GLIS3: variants seen among roughly 807,000 people sequenced by gnomAD.
The protein encoded by GLIS3 is zinc finger protein GLIS3.
A neutral mutation model predicts 78.6 loss-of-function variants in GLIS3; 53 were observed. The ratio of observed to expected loss-of-function variants is 0.67; its 90% CI spans 0.54 to 0.85. The LOEUF (loss-of-function observed/expected upper bound fraction) is 0.85. GLIS3 is among the 40% of genes least tolerant of loss of function. The pLI is 0.00. For synonymous variants in GLIS3, 684 were observed against 509.9 expected (o/e 1.34, Z -4.60); for missense variants, 1,703 against 1,231.1 (o/e 1.38, Z -5.74).
At chr9:4,032,255 G>A (rs1218649223) in intron 4 of GLIS3, among the ~76,000 whole-genome samples, 3 of 152,168 alleles carry the variant, frequency 2.0e-5, no homozygotes, top group Admixed American at 6.5e-5. Context: ...AGCAAGAGGG[G>A]CTGGTTTCAG....
chr9:4,381,946 G>A, the GLIS3 span, among the ~76,000 whole-genome samples: 1 of 152,182 alleles, frequency 6.6e-6, no homozygotes, highest in African/African-American at 2.4e-5. Context: ...GACCATCCTT[G>A]GCAGTCCCAG....
intron 2 of GLIS3, among the ~76,000 whole-genome samples, chr9:4,314,636 A>C (rs1459236906): frequency 2.6e-5 from 4 of 152,216 alleles, no homozygotes; most frequent in African/African-American, 4.8e-5. Flanking sequence ...TCTAGTTCCA[A>C]GATGCTTCCA....
the GLIS3 span, among the ~76,000 whole-genome samples, chr9:4,399,483 A>G: frequency 4.6e-5 from 7 of 152,220 alleles, no homozygotes; most frequent in Admixed American, 2.0e-4. Context: ...AATTTTCCCA[A>G]GGTCTCATAG....
chr9:3,903,549 A>C (rs1255970685), intron 6 of GLIS3, among the ~76,000 whole-genome samples: 2 of 152,230 alleles, frequency 1.3e-5, no homozygotes, highest in East Asian at 3.9e-4. Flanking sequence ...CATTGGTTCC[A>C]GAGTGGCTCT....
At chr9:4,397,118 T>A in the GLIS3 span, among the ~76,000 whole-genome samples, 63 of 129,584 alleles carry the variant, frequency 4.9e-4, 1 homozygote, top group Admixed American at 2.1e-3. Flanking sequence ...CTCCACCTCC[T>A]GGGTTCACGC....
chr9:4,231,377 T>A, intron 2 of GLIS3, among the ~76,000 whole-genome samples: 1 of 152,160 alleles, frequency 6.6e-6, no homozygotes, highest in East Asian at 1.9e-4. Context: ...TTCTCTAAAA[T>A]TAAGGTTCGG....
chr9:4,337,922 A>G (rs1038190566), intron 2 of GLIS3, among the ~76,000 whole-genome samples: 1 of 152,066 alleles, frequency 6.6e-6, no homozygotes, highest in Admixed American at 6.6e-5. Flanking sequence ...TATTTGCCCC[A>G]AACCACACAG....
At chr9:4,384,077 C>T in the GLIS3 span, among the ~76,000 whole-genome samples, 1 of 152,204 alleles carries the variant, frequency 6.6e-6, no homozygotes, top group Non-Finnish European at 1.5e-5. Context: ...TTTTATTTCC[C>T]ACTTGGTACT....
At chr9:4,276,080 T>TC in intron 2 of GLIS3, among the ~76,000 whole-genome samples, 1 of 151,626 alleles carries the variant, frequency 6.6e-6, no homozygotes, top group South Asian at 2.1e-4. Flanking sequence ...GCTCAGGAGT[T>TC]CAAGCTCAGC....
chr9:3,898,793 A>T lies in GLIS3; in HGVS notation c.2026T>A (p.Cys676Ser). Reference sequence around the variant, plus strand: ...GGCTGCAGGGACTGCACGGTGAGGCAATCTGTGAGCAGGTCTGGATGGAGC... The same window carrying T: ...GGCTGCAGGGACTGCACGGTGAGGCTATCTGTGAGCAGGTCTGGATGGAGC... ...TELHPDLLTD[C>S]LTVQSLQPAT... Residue 676 changes from cysteine to serine, a missense_variant, in exon 7 of 11, where the codon TGC becomes AGC. Cys to Ser is a moderately radical substitution (Grantham distance 112). Transcript: ENST00000381971. 6.2e-7 allele frequency: 1 copy of T among 1,614,180 alleles called. No homozygotes were observed.
At chr9:3,894,367 A>G (rs983491716) in intron 7 of GLIS3, among the ~76,000 whole-genome samples, 1 of 152,174 alleles carries the variant, frequency 6.6e-6, no homozygotes, top group Admixed American at 6.5e-5. Flanking sequence ...CCATTTTCTG[A>G]GAACAGACTA....
At chr9:3,956,418 CA>C (rs1349824276) in intron 4 of GLIS3, among the ~76,000 whole-genome samples, 4 of 152,286 alleles carry the variant, frequency 2.6e-5, no homozygotes, top group African/African-American at 9.6e-5. Flanking sequence ...TTCAGATCAC[CA>C]TGGAACAGGC....
chr9:4,295,926 CAA>C (rs1218001797), intron 1 of GLIS3, among the ~76,000 whole-genome samples: 3 of 152,068 alleles, frequency 2.0e-5, no homozygotes, highest in African/African-American at 7.2e-5. Flanking sequence ...AGAATGGCAA[CAA>C]GTTTTTTTTT....
chr9:4,137,154 T>C (rs1833463145), intron 2 of GLIS3, among the ~76,000 whole-genome samples: 1 of 152,158 alleles, frequency 6.6e-6, no homozygotes, highest in Admixed American at 6.5e-5. Flanking sequence ...GTAAGGATTT[T>C]ATAATTAGTT....
At chr9:4,074,699 C>A (rs1432926928) in intron 4 of GLIS3, among the ~76,000 whole-genome samples, 2 of 152,186 alleles carry the variant, frequency 1.3e-5, no homozygotes, top group Non-Finnish European at 2.9e-5. Flanking sequence ...CTACCAGCAC[C>A]TTTTCTTAGA....
chr9:4,407,198 T>C, the GLIS3 span, among the ~76,000 whole-genome samples: 9 of 152,204 alleles, frequency 5.9e-5, no homozygotes, highest in African/African-American at 1.7e-4. Flanking sequence ...TGGGAAAAGA[T>C]AGTCTCTTCA....
At chr9:4,147,160 C>T (rs1175881044) in intron 2 of GLIS3, 3 of 152,270 alleles carry the variant, frequency 2.0e-5, no homozygotes, top group South Asian at 2.1e-4. Flanking sequence ...GAAAGTTCAA[C>T]GTCATACTAT....
chr9:4,330,722 G>GGTTGAGA (rs1817673185), intron 2 of GLIS3, among the ~76,000 whole-genome samples: 3 of 152,154 alleles, frequency 2.0e-5, no homozygotes, highest in East Asian at 1.9e-4. Flanking sequence ...TAGAGATTAA[G>GGTTGAGA]TCGGAGGCAA....
intron 4 of GLIS3, among the ~76,000 whole-genome samples, chr9:4,099,851 C>T (rs1830232642): frequency 6.6e-6 from 1 of 152,148 alleles, no homozygotes; most frequent in African/African-American, 2.4e-5. Flanking sequence ...TTGTTTTCAC[C>T]TTCAAATTCC....
Sources: gnomAD v4.1 joint callset for allele counts (sites outside exome capture counted in the v4.1 genomes callset) on GRCh38, gnomAD v4.1.1 for gene constraint, MANE v1.5 for transcripts, NCBI Gene and HGNC (gene_info 2026-07-23, HGNC 2026-07-21) for gene names.